The following BTBD8 variants were observed in gnomAD, a reference collection of about 807,000 sequenced individuals.
BTBD8 encodes the protein BTB/POZ domain-containing protein 8.
BTBD8 carries 110 observed loss-of-function variants against 162.9 expected under a neutral mutation model. That is an observed-to-expected ratio of 0.68 (90% CI 0.58 to 0.79). The LOEUF (loss-of-function observed/expected upper bound fraction) is 0.79. BTBD8 is among the 30% of genes least tolerant of loss of function. The pLI is 0.00. For synonymous variants in BTBD8, 667 were observed against 716.1 expected, an observed-to-expected ratio of 0.93 and a Z score of 1.10; for missense variants, 1,905 against 2,085.4, an observed-to-expected ratio of 0.91 and a Z score of 1.68.
intron 7 of BTBD8, among the ~76,000 whole-genome samples, chr1:92,142,358 T>G (rs1649797438): frequency 6.6e-6 from 1 of 152,226 alleles, no homozygotes; most frequent in African/African-American, 2.4e-5. Flanking sequence ...GGAGATGATG[T>G]CTTCTCATCC....
intron 3 of BTBD8, among the ~76,000 whole-genome samples, chr1:92,103,930 A>T (rs1206823452): frequency 6.6e-6 from 1 of 152,210 alleles, no homozygotes; most frequent in Non-Finnish European, 1.5e-5. Context: ...TGGTTATCTG[A>T]AGTCAGATGG....
At chr1:92,119,222 T>C (rs1649125865) in intron 4 of BTBD8, among the ~76,000 whole-genome samples, 1 of 151,936 alleles carries the variant, frequency 6.6e-6, no homozygotes, top group Non-Finnish European at 1.5e-5. Context: ...AACTTTTTAC[T>C]CTTTTGTAAT....
intron 9 of BTBD8, among the ~76,000 whole-genome samples, chr1:92,159,829 G>A (rs1197060678): frequency 6.6e-6 from 1 of 151,994 alleles, no homozygotes; most frequent in Non-Finnish European, 1.5e-5. Flanking sequence ...TTCAAAATTT[G>A]CTCTTTTACT....
At chr1:92,170,414 GT>G (rs1411356780) in intron 12 of BTBD8, among the ~76,000 whole-genome samples, 1 of 152,060 alleles carries the variant, frequency 6.6e-6, no homozygotes, top group Non-Finnish European at 1.5e-5. Context: ...GTATGTCATA[GT>G]TGAGTTACTG....
chr1:92,098,480 C>A (rs1648509903), intron 2 of BTBD8, among the ~76,000 whole-genome samples: 1 of 152,112 alleles, frequency 6.6e-6, no homozygotes, highest in African/African-American at 2.4e-5. Context: ...GTAACCTTTT[C>A]AGGAACTGAC....
intron 5 of BTBD8, among the ~76,000 whole-genome samples, chr1:92,135,633 T>C (rs181454587): frequency 5.3e-4 from 80 of 152,270 alleles, no homozygotes; most frequent in African/African-American, 1.9e-3. Context: ...ATAAACACTT[T>C]TAGTAAAAAA....
chr1:92,158,623 T>G (rs1650213282), intron 9 of BTBD8, among the ~76,000 whole-genome samples: 1 of 152,232 alleles, frequency 6.6e-6, no homozygotes, highest in Admixed American at 6.5e-5. Flanking sequence ...ATGCAAAAAT[T>G]AAAAGTGATT....
chr1:92,157,749 C>A (rs2100652638), intron 9 of BTBD8, among the ~76,000 whole-genome samples: 1 of 152,244 alleles, frequency 6.6e-6, no homozygotes, highest in East Asian at 1.9e-4. Context: ...CCAAGTGATC[C>A]TCCCATCTCA....
At chr1:92,096,478 A>C (rs2101898576) in intron 2 of BTBD8, among the ~76,000 whole-genome samples, 1 of 152,228 alleles carries the variant, frequency 6.6e-6, no homozygotes, top group African/African-American at 2.4e-5. Context: ...TGGCTGGGAA[A>C]ACACACAGTC....
chr1:92,184,077 A>T lies in BTBD8; in HGVS notation c.5126A>T (p.Asp1709Val). Residue 1709 changes from aspartate (D) to valine (V), a missense_variant, in exon 18 of 18, where the codon GAT (aspartate) becomes GTT (valine). Asp to Val is a radical substitution (Grantham distance 152). Coordinates refer to ENST00000636805, the MANE Select transcript of BTBD8 (RefSeq NM_001376131.1). The stretch of plus-strand genomic sequence containing the variant: ...CTAAAGCAACTGCTCTCTGAACAGG[A>T]TTCAAACTTAGATGTTACAAATTCC... ...TLLKQLLSEQ[D>V]SNLDVTNSVP... 1 of 1,551,684 alleles carries T rather than the reference A, an allele frequency of 6.4e-7. No individual in the cohort carries two copies. Among genetic ancestry groups the T allele is most frequent in the Non-Finnish European group, 8.7e-7 (1 of 1,146,900 alleles).
At position 92,166,138 on chromosome 1, in the gene BTBD8, G is replaced by C. The variant is rs191697431; in HGVS notation, c.1123-820G>C. Reference sequence around the variant, plus strand: ...AATGTTTTTTTCCATAGTAATGAATGATGAAATGAATAAAATATAAACAGT... The same window carrying C: ...AATGTTTTTTTCCATAGTAATGAATCATGAAATGAATAAAATATAAACAGT... On this transcript the variant is annotated intron_variant, in intron 9 of 17. Transcript: ENST00000636805. 1.7e-3 allele frequency among the ~76,000 whole-genome samples: 266 copies of C among 152,182 alleles called. 3 individuals are homozygous for C. Among genetic ancestry groups the C allele is most frequent in the African/African-American group, 5.9e-3 (243 of 41,518 alleles).
intron 2 of BTBD8, among the ~76,000 whole-genome samples, chr1:92,091,710 C>A (rs958871299): frequency 1.3e-5 from 2 of 152,126 alleles, no homozygotes; most frequent in Non-Finnish European, 2.9e-5. Context: ...GCAGAGATTA[C>A]AGGCATGTGC....
intron 1 of BTBD8, among the ~76,000 whole-genome samples, chr1:92,085,191 G>A (rs537616445): frequency 6.6e-6 from 1 of 152,336 alleles, no homozygotes. Context: ...TTAGTACATA[G>A]TATGTGCTCA....
chr1:92,089,929 C>T (rs1648254379), intron 2 of BTBD8, among the ~76,000 whole-genome samples: 3 of 152,150 alleles, frequency 2.0e-5, no homozygotes, highest in African/African-American at 4.8e-5. Context: ...TTGTCATCAG[C>T]TAAATAATGG....
intron 5 of BTBD8, 46 bp from the exon 6 acceptor site, chr1:92,139,304 T>A (rs775104069): frequency 6.6e-7 from 1 of 1,521,040 alleles, no homozygotes; most frequent in Non-Finnish European, 8.8e-7. Context: ...ATCATTGATA[T>A]CAGTTAAACC....
chr1:92,120,913 C>A (rs1174577687), intron 4 of BTBD8, among the ~76,000 whole-genome samples: 2 of 152,158 alleles, frequency 1.3e-5, no homozygotes, highest in Non-Finnish European at 2.9e-5. Flanking sequence ...TAGACGTGCA[C>A]CACCAAGCAT....
intron 2 of BTBD8, among the ~76,000 whole-genome samples, chr1:92,091,892 A>G (rs777038808): frequency 3.9e-5 from 6 of 152,006 alleles, no homozygotes; most frequent in Admixed American, 2.0e-4. Flanking sequence ...CACAGCACCA[A>G]TTTTTCCTCC....
chr1:92,116,187 G>T (rs1601023), intron 4 of BTBD8, among the ~76,000 whole-genome samples: 91,076 of 151,792 alleles, frequency 0.6, 28,191 homozygotes, highest in East Asian at 0.97. Flanking sequence ...TTAATTCCAT[G>T]GTGGTCATAG....
intron 6 of BTBD8, 115 bp downstream of exon 6, chr1:92,139,545 A>C: frequency 7.2e-7 from 1 of 1,389,458 alleles, no homozygotes; most frequent in Non-Finnish European, 9.3e-7. Flanking sequence ...CTATTATACT[A>C]TATCTTCAGT....
Sources: gnomAD v4.1 joint callset for allele counts (sites outside exome capture counted in the v4.1 genomes callset) on GRCh38, gnomAD v4.1.1 for gene constraint, MANE v1.5 for transcripts, NCBI Gene and HGNC (gene_info 2026-07-23, HGNC 2026-07-21) for gene names.